The following ATXN7L1 variants were observed in gnomAD, a reference collection of about 807,000 sequenced individuals.
ATXN7L1 encodes ataxin 7 like 1, also known as ataxin-7-like protein 1.
A neutral mutation model predicts 70.8 loss-of-function variants in ATXN7L1; 15 were observed. That is an observed-to-expected ratio of 0.21 (90% CI 0.14 to 0.33). The LOEUF is 0.33. Ranked by LOEUF, ATXN7L1 falls within the 10% of genes least tolerant of loss-of-function variation. The pLI, the probability that ATXN7L1 is intolerant of heterozygous loss-of-function variation, is 1.00. For synonymous variants in ATXN7L1, 440 were observed against 445.1 expected (o/e 0.99, Z 0.14); for missense variants, 975 against 1,097.1 (o/e 0.89, Z 1.57).
intron 2 of ATXN7L1, among the ~76,000 whole-genome samples, chr7:105,792,534 T>G (rs1267919357): frequency 6.6e-6 from 1 of 152,234 alleles, no homozygotes; most frequent in Non-Finnish European, 1.5e-5. Context: ...ACAGGCATAA[T>G]GCTAGGCACT....
At chr7:105,754,171 C>T (rs991425338) in intron 3 of ATXN7L1, among the ~76,000 whole-genome samples, 2 of 152,084 alleles carry the variant, frequency 1.3e-5, no homozygotes, top group Admixed American at 6.5e-5. Flanking sequence ...GGTTGATTTT[C>T]CTGTTGAGGA....
In ATXN7L1 at chr7:105,614,865, C is replaced by G; in HGVS notation, c.1518-49G>C. On this transcript the variant is annotated intron_variant, in intron 9 of 11. Transcript: ENST00000419735. The surrounding 1 kb of genome is among the most constrained non-coding windows in gnomAD (Gnocchi z 4.3). ...GAGAATCAGTGAGACATCGGGTTGG[C>G]ATTGCTCAGGAGGCTCGATGACGTT... 1 of 1,513,946 alleles carries G rather than the reference C, an allele frequency of 6.6e-7. No homozygotes were observed. Among genetic ancestry groups the G allele is most frequent in the Non-Finnish European group, 8.9e-7 (1 of 1,126,360 alleles). The allele number at this position is 1,513,946 out of a possible 1,614,324, so 93.8% of individuals were successfully genotyped here. A position where few individuals can be genotyped will look rare whatever the true frequency, so the allele number is the denominator to read the frequency against.
intron 9 of ATXN7L1, among the ~76,000 whole-genome samples, chr7:105,618,801 G>C (rs1406061040): frequency 6.6e-6 from 1 of 152,180 alleles, no homozygotes; most frequent in Non-Finnish European, 1.5e-5. Context: ...CAGTGGGCCG[G>C]CCTTACATTA....
chr7:105,761,540 G>GA, intron 3 of ATXN7L1: 7 of 1,561,536 alleles, frequency 4.5e-6, no homozygotes, highest in Non-Finnish European at 6.1e-6. Context: ...ATTTGTAAAT[G>GA]ATTACTCATG....
chr7:105,710,159 A>G (rs903712590), intron 3 of ATXN7L1, among the ~76,000 whole-genome samples: 2 of 152,094 alleles, frequency 1.3e-5, no homozygotes, highest in African/African-American at 2.4e-5. Flanking sequence ...CAAAGTTTGC[A>G]TCTTAAAACA....
intron 2 of ATXN7L1, among the ~76,000 whole-genome samples, chr7:105,816,459 G>A (rs1809207973): frequency 6.6e-6 from 1 of 152,190 alleles, no homozygotes; most frequent in South Asian, 2.1e-4. Context: ...TGGAGGAGGA[G>A]AAAGAGGAAG....
chr7:105,636,349 CGCGCCATTGCACTCCA>C (rs1285268579), intron 7 of ATXN7L1, among the ~76,000 whole-genome samples: 1 of 149,990 alleles, frequency 6.7e-6, no homozygotes, highest in African/African-American at 2.5e-5. Context: ...GAGCCGAGAT[CGCGCCATTGCACTCCA>C]GCCTGGGCCA....
rs546219384 is a variant in ATXN7L1 at position 105,780,764 on chromosome 7, A to T, written c.355+7840T>A. ...GACTGCAATTTTATGGACTGCTGTA[A>T]GATAACTTGTTTTACACTTTGCATG... On this transcript the variant is annotated intron_variant, in intron 3 of 11. Coordinates refer to ENST00000419735, the MANE Select transcript of ATXN7L1 (RefSeq NM_020725.2). 1.5e-3 allele frequency among the ~76,000 whole-genome samples: 229 copies of T among 152,330 alleles called. 1 individual carries two copies. The highest frequency in any genetic ancestry group is 5.1e-3 in the African/African-American group (211 of 41,578).
Position 105,643,100 on chromosome 7 carries a change from A to T in ATXN7L1, c.600T>A (p.Ser200Arg). 1 of 1,534,478 alleles carries T rather than the reference A, an allele frequency of 6.5e-7. No homozygotes were observed. Among genetic ancestry groups the T allele is most frequent in the Non-Finnish European group, 8.8e-7 (1 of 1,136,268 alleles). Residue 200 changes from serine (S) to arginine (R), a missense_variant, in exon 5 of 12, where the codon AGT becomes AGA. By Grantham distance (110) the Ser-to-Arg change is moderately radical (BLOSUM62 -1). Transcript: ENST00000419735. ...DKPCVPVPVV[S>R]LEKIPNLVKA... ...TCACTAGGTTAGGAATTTTCTCTAA[A>T]CTGACTACAGGAACTGGAACACTGA...
At chr7:105,771,201 G>GATAATA (rs67884616) in intron 3 of ATXN7L1, among the ~76,000 whole-genome samples, 14,994 of 139,082 alleles carry the variant, frequency 0.11, 995 homozygotes, top group African/African-American at 0.18. Context: ...CTCCGTCTCT[G>GATAATA]ATAATAATAA....
chr7:105,690,689 G>A (rs945803543), intron 3 of ATXN7L1, among the ~76,000 whole-genome samples: 5 of 152,152 alleles, frequency 3.3e-5, no homozygotes, highest in African/African-American at 9.7e-5. Flanking sequence ...GCTGATGAAC[G>A]CGCTACTTAC....
chr7:105,638,860 G>A (rs1212340339), intron 6 of ATXN7L1, among the ~76,000 whole-genome samples: 2 of 152,114 alleles, frequency 1.3e-5, no homozygotes, highest in African/African-American at 2.4e-5. Context: ...GAGCTTCAGC[G>A]CAGAACCCAT....
chr7:105,842,668 T>C (rs1466975482), intron 2 of ATXN7L1, among the ~76,000 whole-genome samples: 1 of 152,240 alleles, frequency 6.6e-6, no homozygotes, highest in East Asian at 1.9e-4. Context: ...CTGCTCTGAA[T>C]ACTGGTGTAC....
intron 2 of ATXN7L1, among the ~76,000 whole-genome samples, chr7:105,862,259 A>AC (rs1448209769): frequency 2.0e-5 from 3 of 151,816 alleles, no homozygotes; most frequent in Non-Finnish European, 4.4e-5. Flanking sequence ...ACATAGGGAG[A>AC]CCCCGTCTCT....
intron 3 of ATXN7L1, among the ~76,000 whole-genome samples, chr7:105,669,317 A>G (rs1313140192): frequency 6.6e-6 from 1 of 151,984 alleles, no homozygotes; most frequent in African/African-American, 2.4e-5. Flanking sequence ...CCCGACCTCA[A>G]GTGATCCGCC....
Position 105,854,471 on chromosome 7 carries a change from G to GA in ATXN7L1, c.250+21340dup, listed in dbSNP as rs59330079. Among the ~76,000 whole-genome samples the GA allele has an allele frequency of 7.9e-3, 775 of 97,688 alleles. 9 individuals are homozygous for GA. The highest frequency in any genetic ancestry group is 0.028 in the African/African-American group (680 of 24,314). 64.1% of individuals were successfully genotyped at this position (97,688 alleles called of 152,430 possible). A position where few individuals can be genotyped will look rare whatever the true frequency, so the allele number is the denominator to read the frequency against. ...TGTATTGGGTTTGAAAATTAGCTCT[G>GA]AAAAAAAAAAAAAAAAAAGCATTTG... On this transcript the variant is annotated intron_variant, in intron 2 of 11. Coordinates refer to ENST00000419735, the MANE Select transcript of ATXN7L1 (RefSeq NM_020725.2).
At chr7:105,635,368 C>T (rs969348147) in intron 7 of ATXN7L1, among the ~76,000 whole-genome samples, 2 of 152,204 alleles carry the variant, frequency 1.3e-5, no homozygotes, top group African/African-American at 4.8e-5. Flanking sequence ...GGCAGAAGCA[C>T]GGAGGGCAGG....
At chr7:105,646,068 T>C (rs1798971476) in intron 4 of ATXN7L1, among the ~76,000 whole-genome samples, 1 of 151,736 alleles carries the variant, frequency 6.6e-6, no homozygotes, top group African/African-American at 2.4e-5. Context: ...TCCTAGCTCT[T>C]TGGGAGGCTG....
intron 11 of ATXN7L1, 37 bp from the exon 12 acceptor site, chr7:105,607,927 A>T: frequency 6.5e-7 from 1 of 1,538,848 alleles, no homozygotes; most frequent in East Asian, 2.4e-5. Flanking sequence ...TTTCAAAACC[A>T]TACAGTTGAG....
Sources: gnomAD v4.1 joint callset for allele counts (sites outside exome capture counted in the v4.1 genomes callset) on GRCh38, gnomAD v4.1.1 for gene constraint, Gnocchi (gnomAD v3.1) non-coding constraint, MANE v1.5 for transcripts, NCBI Gene and HGNC (gene_info 2026-07-23, HGNC 2026-07-21) for gene names.